DSE: variants seen among roughly 807,000 people sequenced by gnomAD.
DSE encodes the protein dermatan sulfate epimerase.
In DSE, 36 loss-of-function variants were observed where a neutral mutation model predicts 84.4. That is an observed-to-expected ratio of 0.43 (90% CI 0.33 to 0.56). The LOEUF is 0.56. Among genes scored for constraint, DSE ranks in the 20% least tolerant of loss-of-function variants. The pLI is 0.06. For synonymous variants in DSE, 410 were observed against 430.1 expected (o/e 0.95, Z 0.58); for missense variants, 862 against 1,169.6 (o/e 0.74, Z 3.84).
chr6:116,352,072 AG>A (rs1339894770), intron 2 of DSE, among the ~76,000 whole-genome samples: 1 of 152,210 alleles, frequency 6.6e-6, no homozygotes, highest in Non-Finnish European at 1.5e-5. Context: ...AGCTCATTTC[AG>A]TCTCTGCTCA....
intron 2 of DSE, among the ~76,000 whole-genome samples, chr6:116,422,416 C>G (rs145744830): frequency 6.6e-6 from 1 of 152,220 alleles, no homozygotes; most frequent in Non-Finnish European, 1.5e-5. Flanking sequence ...TATTTCTGTG[C>G]TAACACCCAA....
chr6:116,370,893 C>G, upstream of DSE: 1 of 985,758 alleles, frequency 1.0e-6, no homozygotes, highest in African/African-American at 1.7e-5. Flanking sequence ...CCCGCCGCGT[C>G]CCTCCCTCCG....
At position 116,399,351 on chromosome 6, in the gene DSE, C is replaced by G. The variant is rs35548455; in HGVS notation, c.101C>G (p.Pro34Arg). 1.1e-5 allele frequency: 18 copies of G among 1,614,088 alleles called. No homozygotes were observed. In the Admixed American group the frequency reaches 3.0e-4, roughly 27 times the overall value. ...ITDENPEVMI[P>R]FTNANYDSHP... ...GACGAGAACCCAGAAGTTATGATTC[C>G]CTTCACCAATGCCAACTACGACAGC... The change falls in exon 2 of 6, where the codon CCC becomes CGC. Residue 34 changes from proline to arginine, a missense_variant. Pro to Arg is a moderately radical substitution (Grantham distance 103, BLOSUM62 -2). This residue lies in a region of DSE where 52 missense variants were observed against 49.6 expected (regional missense o/e 1.05). Coordinates refer to ENST00000644252, the MANE Select transcript of DSE (RefSeq NM_013352.4).
At position 116,392,792 on chromosome 6, in the gene DSE, G is replaced by C. The variant is rs188373361; in HGVS notation, c.-53-6406G>C. 1.4e-4 allele frequency among the ~76,000 whole-genome samples: 22 copies of C among 152,220 alleles called. No homozygotes were observed. The East Asian group carries it at 3.1e-3, about 21-fold the overall frequency. On this transcript the variant is annotated intron_variant, in intron 1 of 5. Transcript: ENST00000644252. ...TATCTAATAATTCACTTCCTGTGTT[G>C]GTTTCCTGTGAAGTCAGAAAATATT...
intron 2 of DSE, among the ~76,000 whole-genome samples, chr6:116,325,569 T>C (rs1776567474): frequency 6.6e-6 from 1 of 152,172 alleles, no homozygotes; most frequent in South Asian, 2.1e-4. Context: ...GAGTAGTAGG[T>C]AGGTGTTCTC....
chr6:116,333,382 G>A (rs1018866830), intron 2 of DSE, among the ~76,000 whole-genome samples: 2 of 152,280 alleles, frequency 1.3e-5, no homozygotes, highest in East Asian at 3.9e-4. Flanking sequence ...ATGTGAGAGA[G>A]AGTGAGAGCA....
chr6:116,416,938 TATC>T (rs1419011870), intron 2 of DSE, among the ~76,000 whole-genome samples: 1 of 152,218 alleles, frequency 6.6e-6, no homozygotes, highest in Non-Finnish European at 1.5e-5. Flanking sequence ...AATGGGTAAA[TATC>T]ATTAAATTAT....
At chr6:116,279,939 A>C (rs1773410718) in intron 2 of DSE, 3 of 1,517,680 alleles carry the variant, frequency 2.0e-6, no homozygotes, top group African/African-American at 2.7e-5. Flanking sequence ...CTAACATTTC[A>C]GCGGCGGTGT....
chr6:116,404,398 T>C (rs1426767522), intron 2 of DSE, among the ~76,000 whole-genome samples: 1 of 152,358 alleles, frequency 6.6e-6, no homozygotes, highest in Non-Finnish European at 1.5e-5. Flanking sequence ...CATAGAATTA[T>C]ACAGCATCCA....
intron 1 of DSE, among the ~76,000 whole-genome samples, chr6:116,390,073 T>G (rs1450100014): frequency 6.6e-6 from 1 of 151,932 alleles, no homozygotes; most frequent in East Asian, 1.9e-4. Flanking sequence ...TCCAGGATTT[T>G]ATTTTATTTT....
intron 2 of DSE, among the ~76,000 whole-genome samples, chr6:116,331,099 C>G (rs573914867): frequency 1.3e-5 from 2 of 152,122 alleles, no homozygotes; most frequent in African/African-American, 4.8e-5. Context: ...CATCTTTGGG[C>G]AAACGAAGAA....
chr6:116,397,966 C>T (rs533229297), intron 1 of DSE, among the ~76,000 whole-genome samples: 1 of 152,248 alleles, frequency 6.6e-6, no homozygotes, highest in South Asian at 2.1e-4. Flanking sequence ...TCTGCCATAT[C>T]TGTTAAATTA....
At chr6:116,385,847 G>C (rs1267758486) in intron 1 of DSE, among the ~76,000 whole-genome samples, 1 of 151,476 alleles carries the variant, frequency 6.6e-6, no homozygotes, top group Non-Finnish European at 1.5e-5. Flanking sequence ...TATCACTGAT[G>C]AGTACTTGAA....
At position 116,426,652 on chromosome 6, in the gene DSE, G is replaced by T. The variant is rs1057524129; in HGVS notation, c.495G>T (p.Leu165Phe). The T allele has an allele frequency of 1.1e-5, 18 of 1,613,932 alleles. No homozygotes were observed. The highest frequency in any genetic ancestry group is 1.5e-5 in the Non-Finnish European group (18 of 1,179,966). ...LVGFATAYDF[L>F]YNYLSKTQQE... Reference sequence around the variant, plus strand: ...GTTTTGCCACTGCTTATGACTTCTTGTACAACTACCTGAGCAAGACACAAC... The same window carrying T: ...GTTTTGCCACTGCTTATGACTTCTTTTACAACTACCTGAGCAAGACACAAC... The change falls in exon 3 of 6, where the codon TTG becomes TTT. Residue 165 changes from leucine to phenylalanine, a missense_variant. Physicochemically the swap from Leu to Phe is conservative, Grantham distance 22. Around this residue, in one of 4 missense-constraint regions of DSE, gnomAD observed 309 missense variants for 516.9 expected, o/e 0.60. Coordinates refer to ENST00000644252, the MANE Select transcript of DSE (RefSeq NM_013352.4).
At chr6:116,289,486 A>C (rs2114669136) in intron 2 of DSE, among the ~76,000 whole-genome samples, 1 of 152,066 alleles carries the variant, frequency 6.6e-6, no homozygotes, top group South Asian at 2.1e-4. Flanking sequence ...TGCAGCTAAA[A>C]CCCTTTAAAC....
At position 116,306,953 on chromosome 6, in the gene DSE, C is replaced by G. The variant is rs150229582; in HGVS notation, c.-54+47986C>G. Reference sequence around the variant, plus strand: ...CAGCATCCAGAACTGTGAGAAAATACAAAAAACATTTCTGTTTTTTAATCT... The same window carrying G: ...CAGCATCCAGAACTGTGAGAAAATAGAAAAAACATTTCTGTTTTTTAATCT... On this transcript the variant is annotated intron_variant, in intron 2 of 3. Transcript: ENST00000430252. Among the ~76,000 whole-genome samples the G allele has an allele frequency of 3.2e-4, 49 of 152,290 alleles. 2 individuals carry two copies. In the East Asian group the frequency reaches 9.1e-3, roughly 28 times the overall value.
chr6:116,282,913 C>A (rs896127803), intron 2 of DSE, among the ~76,000 whole-genome samples: 4 of 152,020 alleles, frequency 2.6e-5, no homozygotes, highest in African/African-American at 7.2e-5. Flanking sequence ...CTCACGTGCT[C>A]AGGGAGTTAT....
intron 3 of DSE, 84 bp downstream of exon 3, chr6:116,426,911 T>G: frequency 6.6e-7 from 1 of 1,506,594 alleles, no homozygotes; most frequent in Non-Finnish European, 8.9e-7. Flanking sequence ...TTTATAACCA[T>G]TCTTAGTACA....
intron 1 of DSE, chr6:116,254,444 A>G (rs1020529413): frequency 8.5e-6 from 3 of 354,514 alleles, no homozygotes; most frequent in African/African-American, 6.4e-5. Flanking sequence ...AAGTGGATTC[A>G]CGAACTCACA....
Sources: gnomAD v4.1 joint callset for allele counts (sites outside exome capture counted in the v4.1 genomes callset) on GRCh38, gnomAD v4.1.1 for gene constraint, gnomAD v4.1.1 regional missense constraint, MANE v1.5 for transcripts, NCBI Gene and HGNC (gene_info 2026-07-23, HGNC 2026-07-21) for gene names.